ECI2: variants seen among roughly 807,000 people sequenced by gnomAD.
The protein encoded by ECI2 is enoyl-CoA delta isomerase 2.
ECI2 carries 27 observed loss-of-function variants against 38.4 expected under a neutral mutation model. The observed-to-expected ratio is 0.70, with a 90% CI of 0.52 to 0.97. ECI2 has a LOEUF of 0.97. ECI2 is among the 50% of genes least tolerant of loss of function. ECI2 has a pLI of 0.00. For missense variants in ECI2, 470 were observed against 474.4 expected (o/e 0.99, Z 0.09); for synonymous variants, 168 against 172.0 (o/e 0.98, Z 0.18).
intron 7 of ECI2, among the ~76,000 whole-genome samples, chr6:4,124,374 T>G (rs922269657): frequency 1.3e-5 from 2 of 152,212 alleles, no homozygotes; most frequent in African/African-American, 4.8e-5. Context: ...GTGGGGAAAA[T>G]ACCTCTGAAC....
chr6:4,122,988 GCATT>G (rs1346733795), intron 7 of ECI2, among the ~76,000 whole-genome samples: 2 of 151,918 alleles, frequency 1.3e-5, no homozygotes, highest in Non-Finnish European at 2.9e-5. Flanking sequence ...GAGCTAATAG[GCATT>G]ATTAACCATT....
At chr6:4,128,951 A>ACT (rs1039057825) in intron 4 of ECI2, among the ~76,000 whole-genome samples, 3 of 152,158 alleles carry the variant, frequency 2.0e-5, no homozygotes, top group Non-Finnish European at 2.9e-5. Context: ...AGTGATAAGG[A>ACT]ACTCATTCTA....
At chr6:4,134,521 A>G (rs1773636890) in intron 1 of ECI2, among the ~76,000 whole-genome samples, 1 of 152,226 alleles carries the variant, frequency 6.6e-6, no homozygotes, top group Admixed American at 6.5e-5. Flanking sequence ...GTTCACGACG[A>G]TGACACTGAA....
In ECI2 at chr6:4,127,807, G is replaced by A. The variant is rs776236051; in HGVS notation, c.526C>T (p.Leu176Phe). Reference sequence around the variant, plus strand: ...GAGTCATCCTTGCTGGCAGCTTTAAGTGCACGCATAATTTCATGATACATC... The same window carrying A: ...GAGTCATCCTTGCTGGCAGCTTTAAATGCACGCATAATTTCATGATACATC... ...TEMYHEIMRALKAASKDDSII... is the reference protein window; with the variant it reads ...TEMYHEIMRAFKAASKDDSII... Residue 176 changes from leucine to phenylalanine, a missense_variant, in exon 5 of 10, where the codon CTT becomes TTT. Physicochemically the swap from Leu to Phe is conservative, Grantham distance 22 (BLOSUM62 0). Transcript: ENST00000380118. The A allele has an allele frequency of 1.9e-6, 3 of 1,613,292 alleles. No homozygotes were observed. Among genetic ancestry groups the A allele is most frequent in the African/African-American group, 1.3e-5 (1 of 74,996 alleles).
Position 4,117,329 on chromosome 6 carries a change from TG to T in ECI2, c.1007del (p.Ala336AspfsTer10). ...FQKEVWTRLK[A>X]FAKLPPNALR... ...TAACATTTGGGGGAAGCTTTGCAAA[TG>T]CCTTCAGCCTGGTCCAGACTTCTTT... On this transcript the variant is annotated frameshift_variant, in exon 9 of 10. Coordinates refer to ENST00000380118, the MANE Select transcript of ECI2 (RefSeq NM_206836.3). LOFTEE classifies it low-confidence loss of function (END_TRUNC). 1 of 1,604,760 alleles carries T rather than the reference TG, an allele frequency of 6.2e-7. No homozygotes were observed. The highest frequency in any genetic ancestry group is 8.5e-7 in the Non-Finnish European group (1 of 1,177,712).
intron 7 of ECI2, 114 bp from the exon 8 acceptor site, chr6:4,119,389 C>T: frequency 7.3e-6 from 5 of 689,206 alleles, no homozygotes; most frequent in East Asian, 3.1e-5. Context: ...GGCGCGATCT[C>T]GGCTCACTGC....
At chr6:4,121,251 C>A (rs1772728476) in intron 7 of ECI2, among the ~76,000 whole-genome samples, 1 of 152,146 alleles carries the variant, frequency 6.6e-6, no homozygotes, top group African/African-American at 2.4e-5. Context: ...CGTATATTTT[C>A]TTTGGTGAAG....
At chr6:4,134,824 C>G (rs1004337480) in intron 1 of ECI2, among the ~76,000 whole-genome samples, 1 of 152,132 alleles carries the variant, frequency 6.6e-6, no homozygotes, top group African/African-American at 2.4e-5. Context: ...AAATGTGGAA[C>G]AAATTTATTT....
intron 8 of ECI2, 58 bp downstream of exon 8, chr6:4,119,128 C>T: frequency 9.6e-7 from 1 of 1,042,470 alleles, no homozygotes. Flanking sequence ...TGAGATTACT[C>T]TTCCTTCTTT....
rs1561660485 is a variant in ECI2 at position 4,133,576 on chromosome 6, C to A, written c.186G>T (p.Lys62Asn). The change falls in exon 2 of 10, where the codon AAG becomes AAT. Residue 62 changes from lysine (K) to asparagine (N), a missense_variant. Transcript: ENST00000380118. ...GCTTATATAGCGCGTAGAGTTTTAG[C>A]TTCACTTCGTTTCCTGGATCCTTTT... ...LLKKDPGNEV[K>N]LKLYALYKQA... 6.2e-7 allele frequency: 1 copy of A among 1,613,628 alleles called. No homozygotes were observed. Among genetic ancestry groups the A allele is most frequent in the South Asian group, 1.1e-5 (1 of 90,976 alleles).
rs146126979 is a variant in ECI2 at position 4,119,926 on chromosome 6, T to C, written c.796-651A>G. ...TGACTTTTATAGAATGCTGTATAAGTGGAATCCTACATTCTGTAGCATTTT... is the reference window on the plus strand; with the variant it reads ...TGACTTTTATAGAATGCTGTATAAGCGGAATCCTACATTCTGTAGCATTTT... On this transcript the variant is annotated intron_variant, in intron 7 of 9. Coordinates refer to ENST00000380118, the MANE Select transcript of ECI2 (RefSeq NM_206836.3). Among the ~76,000 whole-genome samples, 85 of 150,630 alleles carry C rather than the reference T, an allele frequency of 5.6e-4. 1 individual carries two copies. In the East Asian group the frequency reaches 0.016, roughly 29 times the overall value.
intron 4 of ECI2, chr6:4,130,071 T>G: frequency 6.3e-7 from 1 of 1,590,632 alleles, no homozygotes; most frequent in Non-Finnish European, 8.6e-7. Context: ...CAACCTTAGA[T>G]GGCTTCTATG....
intron 7 of ECI2, 47 bp from the exon 8 acceptor site, chr6:4,119,322 T>C (rs775909942): frequency 1.4e-5 from 10 of 738,706 alleles, no homozygotes; most frequent in South Asian, 4.9e-5. Context: ...ATGTGTGATT[T>C]TTTTTTTTTT....
chr6:4,127,968 A>C, intron 4 of ECI2, 137 bp from the exon 5 acceptor site: 1 of 719,110 alleles, frequency 1.4e-6, no homozygotes, highest in African/African-American at 1.8e-5. Context: ...TTTTATAACC[A>C]AAAAGGTGGA....
chr6:4,134,781 T>C (rs1379090272), intron 1 of ECI2, among the ~76,000 whole-genome samples: 1 of 152,104 alleles, frequency 6.6e-6, no homozygotes, highest in Non-Finnish European at 1.5e-5. Flanking sequence ...ATTTAAAATA[T>C]CCACAGAAAG....
At chr6:4,121,401 T>C (rs1373969951) in intron 7 of ECI2, among the ~76,000 whole-genome samples, 1 of 152,230 alleles carries the variant, frequency 6.6e-6, no homozygotes, top group East Asian at 1.9e-4. Flanking sequence ...CTATGGCTTA[T>C]CTTTTCATTT....
chr6:4,121,990 G>T, intron 7 of ECI2: 1 of 1,606,842 alleles, frequency 6.2e-7, no homozygotes, highest in Non-Finnish European at 8.5e-7. Flanking sequence ...CACAGCCTAA[G>T]GAATACAAGC....
Position 4,117,307 on chromosome 6 carries a change from C to T in ECI2, c.1029+1G>A. On this transcript the variant is annotated splice_donor_variant, in intron 9 of 9. Transcript: ENST00000380118. LOFTEE classifies it high-confidence loss of function. ...CTTAGAAGTAAAAGATGAATACTAA[C>T]ATTTGGGGGAAGCTTTGCAAATGCC... 6.3e-7 allele frequency: 1 copy of T among 1,593,264 alleles called. No individual in the cohort carries two copies. Among genetic ancestry groups the T allele is most frequent in the Non-Finnish European group, 8.5e-7 (1 of 1,174,400 alleles).
At chr6:4,135,343 CGT>C (rs1773674631) in intron 1 of ECI2, 166 bp downstream of exon 1, 7 of 1,474,748 alleles carry the variant, frequency 4.7e-6, no homozygotes, top group Non-Finnish European at 6.3e-6. Flanking sequence ...GGAGGGCGCG[CGT>C]GAGGTCGTCA....
Sources: gnomAD v4.1 joint callset for allele counts (sites outside exome capture counted in the v4.1 genomes callset) on GRCh38, gnomAD v4.1.1 for gene constraint, MANE v1.5 for transcripts, NCBI Gene and HGNC (gene_info 2026-07-23, HGNC 2026-07-21) for gene names.